Variants in CAMK2A observed in about 807,000 individuals in gnomAD.
CAMK2A encodes calcium/calmodulin dependent protein kinase II alpha.
In CAMK2A, 7 loss-of-function variants were observed where a neutral mutation model predicts 79.2. The ratio of observed to expected loss-of-function variants is 0.09; its 90% CI spans 0.05 to 0.17. The LOEUF (loss-of-function observed/expected upper bound fraction) is 0.17, where lower values mean the gene tolerates loss of function less well. CAMK2A is among the 10% of genes least tolerant of loss of function. The probability of loss-of-function intolerance (pLI) is 1.00; values close to 1 mark genes in which losing one functional copy is unlikely to be tolerated. For synonymous variants in CAMK2A, 242 were observed against 251.7 expected (o/e 0.96, Z 0.36); for missense variants, 214 against 646.4 (o/e 0.33, Z 7.25).
chr5:150,226,240 T>C (rs1754593037), intron 17 of CAMK2A, among the ~76,000 whole-genome samples: 1 of 152,096 alleles, frequency 6.6e-6, no homozygotes, highest in Non-Finnish European at 1.5e-5. Flanking sequence ...CAGCAGGTGC[T>C]ACAGGGAAGG....
intron 2 of CAMK2A, among the ~76,000 whole-genome samples, chr5:150,266,394 A>G (rs568571002): frequency 2.0e-5 from 3 of 152,256 alleles, no homozygotes; most frequent in African/African-American, 7.2e-5. Context: ...TGCATTTCCC[A>G]TTTTCCTTTT....
At chr5:150,239,624 A>C in intron 14 of CAMK2A, 80 bp downstream of exon 14, 1 of 1,357,478 alleles carries the variant, frequency 7.4e-7, no homozygotes, top group Non-Finnish European at 1.1e-6. Flanking sequence ...CCAGGTTCCC[A>C]GTGCAGCCTG....
At chr5:150,239,439 G>C (rs1403693392) in intron 14 of CAMK2A, among the ~76,000 whole-genome samples, 1 of 152,220 alleles carries the variant, frequency 6.6e-6, no homozygotes, top group Non-Finnish European at 1.5e-5. Flanking sequence ...ACATAGGACT[G>C]GGTTCAGATC....
chr5:150,251,641 G>T, intron 9 of CAMK2A, 109 bp downstream of exon 9: 1 of 746,874 alleles, frequency 1.3e-6, no homozygotes, highest in Non-Finnish European at 2.1e-6. Flanking sequence ...CAGTCTTCAT[G>T]CTCCCCTGGG....
chr5:150,238,843 T>G, intron 14 of CAMK2A, 95 bp from the exon 15 acceptor site: 1 of 1,067,706 alleles, frequency 9.4e-7, no homozygotes, highest in Non-Finnish European at 1.3e-6. Flanking sequence ...CTGGTTTCTG[T>G]GAGCCTCACA....
At chr5:150,222,804 G>T (rs1754383808) in intron 18 of CAMK2A, 91 bp from the exon 19 acceptor site, 2 of 1,517,072 alleles carry the variant, frequency 1.3e-6, no homozygotes, top group Non-Finnish European at 1.8e-6. Context: ...AGTCCATGCG[G>T]TCCCTGGTGG....
chr5:150,271,203 C>T (rs889373761), intron 2 of CAMK2A, among the ~76,000 whole-genome samples: 12 of 152,350 alleles, frequency 7.9e-5, no homozygotes, highest in African/African-American at 2.9e-4. Flanking sequence ...TGCTGGCATT[C>T]CTGCCCACCC....
intron 7 of CAMK2A, among the ~76,000 whole-genome samples, chr5:150,253,107 C>CT (rs1755902479): frequency 6.6e-6 from 1 of 152,228 alleles, no homozygotes; most frequent in Admixed American, 6.5e-5. Context: ...AGCACCTAGA[C>CT]TATTAGGGCA....
intron 15 of CAMK2A, among the ~76,000 whole-genome samples, chr5:150,235,240 T>C (rs1004152580): frequency 3.3e-5 from 5 of 152,194 alleles, no homozygotes; most frequent in Admixed American, 2.6e-4. Context: ...GGCAGGAATC[T>C]CCCTAGCTTT....
At chr5:150,278,770 CG>C (rs1178491048) in intron 1 of CAMK2A, among the ~76,000 whole-genome samples, 1 of 151,910 alleles carries the variant, frequency 6.6e-6, no homozygotes, top group Non-Finnish European at 1.5e-5. Context: ...GTGCAAGGGG[CG>C]GGTGTCTGGC....
chr5:150,225,370 G>T (rs1248073093), intron 17 of CAMK2A, among the ~76,000 whole-genome samples: 1 of 152,190 alleles, frequency 6.6e-6, no homozygotes, highest in African/African-American at 2.4e-5. Context: ...ATAGGGCCCT[G>T]GAGGGTGGAA....
chr5:150,273,935 C>T (rs1185159351), intron 1 of CAMK2A, among the ~76,000 whole-genome samples: 1 of 152,168 alleles, frequency 6.6e-6, no homozygotes, highest in Non-Finnish European at 1.5e-5. Flanking sequence ...GTGTGGGATA[C>T]ATTTCCAGAA....
intron 9 of CAMK2A, 122 bp downstream of exon 9, chr5:150,251,628 G>T (rs1188112416): frequency 3.1e-6 from 2 of 655,048 alleles, no homozygotes; most frequent in East Asian, 2.9e-5. Flanking sequence ...ACCTGGCCCT[G>T]GTCAGTCTTC....
Position 150,256,496 on chromosome 5 carries a change from C to A in CAMK2A, c.411+77G>T. ...GAAATTAAAGCGATTCTGATAATGT[C>A]CAGCTCTGCAGGATTAGGGACGTGC... On this transcript the variant is annotated intron_variant, in intron 6 of 18. Transcript: ENST00000671881. The surrounding 1 kb of genome is among the most constrained non-coding windows in gnomAD (Gnocchi z 4.6). 1.0e-6 allele frequency: 1 copy of A among 959,714 alleles called. No individual in the cohort carries two copies. The highest frequency in any genetic ancestry group is 2.4e-5 in the East Asian group (1 of 40,838). The allele number at this position is 959,714 out of a possible 1,614,324, so 59.4% of individuals were successfully genotyped here. A position where few individuals can be genotyped will look rare whatever the true frequency, so the allele number is the denominator to read the frequency against.
rs549779315 is a variant in CAMK2A at position 150,221,049 on chromosome 5, G to C, written c.*1661C>G. 6.3e-6 allele frequency: 1 copy of C among 157,718 alleles called. No homozygotes were observed. The highest frequency in any genetic ancestry group is 2.1e-4 in the South Asian group (1 of 4,852). The allele number at this position is 157,718 out of a possible 1,614,324, so 9.8% of individuals were successfully genotyped here. On this transcript the variant is annotated 3_prime_UTR_variant, in exon 19 of 19. Transcript: ENST00000671881. ...ACAGTATCTCATGCTGGCAAAACAC[G>C]GCCACACAGAGGCCAAAAGCACAGA...
rs1198951614 is a variant in CAMK2A at position 150,221,288 on chromosome 5, AAG to A, written c.*1420_*1421del. ...TTCCACTCAGAGTCAATCCCAGGGA[AAG>A]AGGGAAAGAGGAAAAGAAAGAGAGA... On this transcript the variant is annotated 3_prime_UTR_variant, in exon 19 of 19. Transcript: ENST00000671881. The A allele has an allele frequency of 7.6e-6, 3 of 396,912 alleles. No homozygotes were observed. In the East Asian group the frequency reaches 1.1e-4, roughly 14 times the overall value. The allele number at this position is 396,912 out of a possible 1,614,324, so 24.6% of individuals were successfully genotyped here.
chr5:150,245,779 A>G (rs1018850148), intron 12 of CAMK2A, among the ~76,000 whole-genome samples: 2 of 151,966 alleles, frequency 1.3e-5, no homozygotes, highest in Non-Finnish European at 1.5e-5. Flanking sequence ...GGCCTCCCCA[A>G]CCTCAGACTC....
intron 14 of CAMK2A, 48 bp downstream of exon 14, chr5:150,239,656 G>C (rs981178111): frequency 1.3e-6 from 2 of 1,593,166 alleles, no homozygotes; most frequent in East Asian, 2.2e-5. Context: ...CAGGAGCAAG[G>C]GTTCGAGGCC....
Position 150,265,176 on chromosome 5 carries a change from C to T in CAMK2A, c.158-161G>A, listed in dbSNP as rs371503052. 1.7e-4 allele frequency: 109 copies of T among 638,708 alleles called. 1 individual carries two copies. Among genetic ancestry groups the T allele is most frequent in the East Asian group, 1.0e-3 (36 of 35,352 alleles). 39.6% of individuals were successfully genotyped at this position (638,708 alleles called of 1,614,324 possible). A position where few individuals can be genotyped will look rare whatever the true frequency, so the allele number is the denominator to read the frequency against. ...GGGCCTCTGAGTTCTCCAGGAAGAC[C>T]ATGGGGTGCAGTGGAAAGAGGAAGA... On this transcript the variant is annotated intron_variant, in intron 2 of 18. Transcript: ENST00000671881.
Sources: gnomAD v4.1 joint callset for allele counts (sites outside exome capture counted in the v4.1 genomes callset) on GRCh38, gnomAD v4.1.1 for gene constraint, Gnocchi (gnomAD v3.1) non-coding constraint, MANE v1.5 for transcripts, NCBI Gene and HGNC (gene_info 2026-07-23, HGNC 2026-07-21) for gene names.